PHACTR2: variants seen among roughly 807,000 people sequenced by gnomAD.
PHACTR2 encodes chromosome 6 open reading frame 56.
PHACTR2 carries 30 observed loss-of-function variants against 76.0 expected under a neutral mutation model. The observed-to-expected ratio is 0.39, with a 90% CI of 0.30 to 0.54. PHACTR2 has a LOEUF of 0.54. Among genes scored for constraint, PHACTR2 ranks in the 20% least tolerant of loss-of-function variants. The pLI is 0.61. For missense variants in PHACTR2, 696 were observed against 781.1 expected, an observed-to-expected ratio of 0.89 and a Z score of 1.30; for synonymous variants, 292 against 292.5, an observed-to-expected ratio of 1.00 and a Z score of 0.02.
chr6:143,551,345 A>G (rs112123786), intron 1 of PHACTR2, among the ~76,000 whole-genome samples: 6 of 152,234 alleles, frequency 3.9e-5, no homozygotes, highest in African/African-American at 1.4e-4. Context: ...ACTAATAATT[A>G]TAATGTAAGA....
At position 143,543,917 on chromosome 6, in the gene PHACTR2, T is replaced by G. The variant is rs1584049936; in HGVS notation, c.217+6710T>G. Among the ~76,000 whole-genome samples the G allele has an allele frequency of 6.6e-6, 1 of 152,298 alleles. No homozygotes were observed. The highest frequency in any genetic ancestry group is 1.5e-5 in the Non-Finnish European group (1 of 68,016). On this transcript the variant is annotated intron_variant, in intron 1 of 11. Coordinates refer to the PHACTR2 transcript ENST00000367584. This position sits in a 1 kb window ranked among gnomAD's most constrained non-coding sequence, Gnocchi z 4.7. ...GCACAGACAACTGAGATTGGGACTGTCAGGGCTCAGAAAACAATACCGCAA... is the reference window on the plus strand; with the variant it reads ...GCACAGACAACTGAGATTGGGACTGGCAGGGCTCAGAAAACAATACCGCAA...
In PHACTR2 at chr6:143,753,372, G is replaced by A. The variant is rs1015744839; in HGVS notation, c.296-382G>A. On this transcript the variant is annotated intron_variant, in intron 3 of 12. Coordinates refer to ENST00000440869, the MANE Select transcript of PHACTR2 (RefSeq NM_001100164.2). The surrounding 1 kb of genome is among the most constrained non-coding windows in gnomAD (Gnocchi z 4.6). ...TTTGCATTCACCTTGTGTTTTTGGT[G>A]CTTGTAAAATGTTTATTCCATTTTC... 1.3e-5 allele frequency among the ~76,000 whole-genome samples: 2 copies of A among 152,202 alleles called. No homozygotes were observed. The highest frequency in any genetic ancestry group is 4.8e-5 in the African/African-American group (2 of 41,524).
In PHACTR2 at chr6:143,765,691, C is replaced by A. The variant is rs768792481; in HGVS notation, c.1125C>A (p.Pro375=). ...VVLVSVGADL[P]VSALDPSQLL... ...TCGTCAGCGTTGGAGCTGACCTGCCCGTCTCTGCCTTAGACCCAAGTCAGC... is the reference window on the plus strand; with the variant it reads ...TCGTCAGCGTTGGAGCTGACCTGCCAGTCTCTGCCTTAGACCCAAGTCAGC... Residue 375 remains proline, a synonymous_variant, in exon 6 of 13, where the codon CCC becomes CCA. Coordinates refer to ENST00000440869, the MANE Select transcript of PHACTR2 (RefSeq NM_001100164.2). This position sits in a 1 kb window ranked among gnomAD's most constrained non-coding sequence, Gnocchi z 4.1. The A allele has an allele frequency of 6.2e-7, 1 of 1,614,162 alleles. No individual in the cohort carries two copies. Among genetic ancestry groups the A allele is most frequent in the Non-Finnish European group, 8.5e-7 (1 of 1,180,004 alleles).
upstream of PHACTR2, among the ~76,000 whole-genome samples, chr6:143,607,465 G>A (rs189558591): frequency 6.6e-6 from 1 of 152,334 alleles, no homozygotes; most frequent in Admixed American, 6.5e-5. Context: ...GTGTTAGTCA[G>A]TCTTTCCTGA....
chr6:143,823,365 G>A lies in PHACTR2; in HGVS notation c.1923-309G>A, dbSNP rs1435538850. On this transcript the variant is annotated intron_variant, in intron 12 of 12. Transcript: ENST00000440869. This position sits in a 1 kb window ranked among gnomAD's most constrained non-coding sequence, Gnocchi z 5.7. ...CTCTGCTTGATAAAGGTTAGAGCAC[G>A]ATGCTCAAGAATAGTGATGTTTTCT... Among the ~76,000 whole-genome samples, 4 of 152,168 alleles carry A rather than the reference G, an allele frequency of 2.6e-5. No homozygotes were observed. Among genetic ancestry groups the A allele is most frequent in the Admixed American group, 1.3e-4 (2 of 15,282 alleles).
rs1189992323 is a variant in PHACTR2 at position 143,794,156 on chromosome 6, G to C, written c.1845+5246G>C. Among the ~76,000 whole-genome samples, 2 of 151,708 alleles carry C rather than the reference G, an allele frequency of 1.3e-5. No homozygotes were observed. The highest frequency in any genetic ancestry group is 2.9e-5 in the Non-Finnish European group (2 of 67,892). The stretch of plus-strand genomic sequence containing the variant: ...CTGAAAAAAATTGTTCCCTCTAGTT[G>C]TTAAAAGATAAGTGTGATGAAATAG... On this transcript the variant is annotated intron_variant, in intron 11 of 12. Transcript: ENST00000440869. The surrounding 1 kb of genome is among the most constrained non-coding windows in gnomAD (Gnocchi z 4.1).
In PHACTR2 at chr6:143,562,429, C is replaced by A. The variant is rs1775293798; in HGVS notation, c.217+25222C>A. Among the ~76,000 whole-genome samples the A allele has an allele frequency of 6.6e-6, 1 of 152,062 alleles. No individual in the cohort carries two copies. The highest frequency in any genetic ancestry group is 2.1e-4 in the South Asian group (1 of 4,818). On this transcript the variant is annotated intron_variant, in intron 1 of 11. Transcript: ENST00000367584. This position sits in a 1 kb window ranked among gnomAD's most constrained non-coding sequence, Gnocchi z 5.1. ...GGAGGTGCCACTTACTTTTAAGTGA[C>A]CAGGTCTCACGAGAACTCACTCACT...
At chr6:143,640,798 G>A (rs1031690853) in intron 1 of PHACTR2, among the ~76,000 whole-genome samples, 4 of 152,054 alleles carry the variant, frequency 2.6e-5, no homozygotes, top group African/African-American at 7.2e-5. Flanking sequence ...ACCTGTGAAC[G>A]TGACTTTATT....
chr6:143,598,886 G>A lies in PHACTR2; in HGVS notation c.217+61679G>A, dbSNP rs1019754451. 6.6e-6 allele frequency among the ~76,000 whole-genome samples: 1 copy of A among 152,186 alleles called. No individual in the cohort carries two copies. The highest frequency in any genetic ancestry group is 2.4e-5 in the African/African-American group (1 of 41,440). On this transcript the variant is annotated intron_variant, in intron 1 of 11. Coordinates refer to the PHACTR2 transcript ENST00000367584. This position sits in a 1 kb window ranked among gnomAD's most constrained non-coding sequence, Gnocchi z 4.1. ...CCACCTAGAGCCATTTAAATGGCTG[G>A]CATTGATGCTTTCTGTTATCTGTTC...
At position 143,789,097 on chromosome 6, in the gene PHACTR2, A is replaced by C; in HGVS notation, c.1845+187A>C. On this transcript the variant is annotated intron_variant, in intron 11 of 12. Coordinates refer to ENST00000440869, the MANE Select transcript of PHACTR2 (RefSeq NM_001100164.2). This position sits in a 1 kb window ranked among gnomAD's most constrained non-coding sequence, Gnocchi z 5.1. ...GATATCAATGTAGTTCTTTCAACTA[A>C]GTCTCAGAGAAAAGTAGTTATTTAC... The C allele has an allele frequency of 6.3e-6, 3 of 475,414 alleles. No homozygotes were observed. The highest frequency in any genetic ancestry group is 1.1e-5 in the Non-Finnish European group (3 of 266,836). The allele number at this position is 475,414 out of a possible 1,614,324, so 29.4% of individuals were successfully genotyped here.
At chr6:143,628,589 TAA>T (rs1776300016) in intron 1 of PHACTR2, among the ~76,000 whole-genome samples, 1 of 152,212 alleles carries the variant, frequency 6.6e-6, no homozygotes, top group Admixed American at 6.5e-5. Flanking sequence ...CTCCCTCTTA[TAA>T]GGACCCTTGT....
Position 143,597,683 on chromosome 6 carries a change from T to G in PHACTR2, c.217+60476T>G, listed in dbSNP as rs991446015. 3.3e-5 allele frequency among the ~76,000 whole-genome samples: 5 copies of G among 152,206 alleles called. No individual in the cohort carries two copies. Among genetic ancestry groups the G allele is most frequent in the Non-Finnish European group, 5.9e-5 (4 of 68,032 alleles). ...ATTTGTGTTCTAGCATAGAGGTTTT[T>G]AAAGTCTTTATTCAGCATTGACCTA... On this transcript the variant is annotated intron_variant, in intron 1 of 11. Coordinates refer to the PHACTR2 transcript ENST00000367584. This position sits in a 1 kb window ranked among gnomAD's most constrained non-coding sequence, Gnocchi z 5.7.
chr6:143,574,218 G>A (rs922544126), intron 1 of PHACTR2, among the ~76,000 whole-genome samples: 1 of 152,224 alleles, frequency 6.6e-6, no homozygotes, highest in African/African-American at 2.4e-5. Context: ...CCTCAGCGTG[G>A]CTGCTCAGTT....
At position 143,824,917 on chromosome 6, in the gene PHACTR2, G is replaced by A. The variant is rs1776503366; in HGVS notation, c.*1228G>A. 6.6e-6 allele frequency: 1 copy of A among 152,548 alleles called. No homozygotes were observed. The highest frequency in any genetic ancestry group is 6.5e-5 in the Admixed American group (1 of 15,274). The allele number at this position is 152,548 out of a possible 1,614,324, so 9.4% of individuals were successfully genotyped here. ...AGATGGCATCCATAGATACAGTACA[G>A]TATTTACTGTCAATGCAAAAGAATC... is the stretch of plus-strand genomic sequence containing the variant. On this transcript the variant is annotated 3_prime_UTR_variant, in exon 13 of 13. Transcript: ENST00000440869. The surrounding 1 kb of genome is among the most constrained non-coding windows in gnomAD (Gnocchi z 6.3).
At chr6:143,746,730 G>A (rs1779075266) in intron 2 of PHACTR2, among the ~76,000 whole-genome samples, 1 of 152,022 alleles carries the variant, frequency 6.6e-6, no homozygotes, top group Admixed American at 6.6e-5. Flanking sequence ...GTGTTCTTTG[G>A]CTTCCTGCCG....
chr6:143,720,603 GGTT>G (rs1187990588), intron 2 of PHACTR2, among the ~76,000 whole-genome samples: 6 of 152,140 alleles, frequency 3.9e-5, no homozygotes, highest in African/African-American at 1.4e-4. Context: ...CGAACCTCAT[GGTT>G]GTTAATCTTT....
rs1385787648 is a variant in PHACTR2 at position 143,791,663 on chromosome 6, C to T, written c.1845+2753C>T. 6.6e-6 allele frequency among the ~76,000 whole-genome samples: 1 copy of T among 152,042 alleles called. No individual in the cohort carries two copies. The highest frequency in any genetic ancestry group is 2.4e-5 in the African/African-American group (1 of 41,384). ...TCAGTTTGATCCATCAGGTAACAAA[C>T]AAGACATGTTAAATCTCCCACTATG... is the stretch of plus-strand genomic sequence containing the variant. On this transcript the variant is annotated intron_variant, in intron 11 of 12. Coordinates refer to ENST00000440869, the MANE Select transcript of PHACTR2 (RefSeq NM_001100164.2). This position sits in a 1 kb window ranked among gnomAD's most constrained non-coding sequence, Gnocchi z 4.7.
intron 1 of PHACTR2, among the ~76,000 whole-genome samples, chr6:143,572,030 TA>T (rs529774107): frequency 0.011 from 1,631 of 152,326 alleles, 27 homozygotes; most frequent in African/African-American, 0.037. Context: ...ATACATATGC[TA>T]AAAAATGGGA....
chr6:143,687,618 G>A (rs568267762), intron 1 of PHACTR2, among the ~76,000 whole-genome samples: 1 of 152,268 alleles, frequency 6.6e-6, no homozygotes, highest in East Asian at 1.9e-4. Context: ...TTGCTAAAAG[G>A]TCGGTCTAAC....
Sources: allele counts gnomAD v4.1 joint callset (sites outside exome capture counted in the v4.1 genomes callset), GRCh38; gene constraint gnomAD v4.1.1; non-coding constraint Gnocchi (gnomAD v3.1); transcripts MANE v1.5; gene names NCBI Gene and HGNC (gene_info 2026-07-23, HGNC 2026-07-21).